ANO3: variants seen among roughly 807,000 people sequenced by gnomAD.
The protein encoded by ANO3 is anoctamin 3, also known as anoctamin-3.
ANO3 carries 99 observed loss-of-function variants against 144.8 expected under a neutral mutation model. That is an observed-to-expected ratio of 0.68 (90% CI 0.58 to 0.81). ANO3 has a LOEUF of 0.81. Ranked by LOEUF, ANO3 falls within the 30% of genes least tolerant of loss-of-function variation. ANO3 has a pLI of 0.00. For synonymous variants in ANO3, 414 were observed against 392.6 expected, an observed-to-expected ratio of 1.05 and a Z score of -0.64; for missense variants, 905 against 1,202.2, an observed-to-expected ratio of 0.75 and a Z score of 3.66.
rs1306077711 is a variant in ANO3, at chr11:26,494,932, T to G, written c.433-13172T>G. Among the ~76,000 whole-genome samples, 3 of 152,094 alleles carry G rather than the reference T, an allele frequency of 2.0e-5. 1 individual carries two copies. Among genetic ancestry groups the G allele is most frequent in the South Asian group, 4.2e-4 (2 of 4,818 alleles). ...TAGAGAAGGGTTATAATCCACTGAT[T>G]TTTTCTTGACCTGTCCTTCAACACT... is the stretch of plus-strand genomic sequence containing the variant. On this transcript the variant is annotated intron_variant, in intron 4 of 26. Coordinates refer to ENST00000256737, the MANE Select transcript of ANO3 (RefSeq NM_031418.4).
intron 1 of ANO3, among the ~76,000 whole-genome samples, chr11:26,219,624 C>T (rs1852102042): frequency 6.6e-6 from 1 of 152,106 alleles, no homozygotes; most frequent in Admixed American, 6.6e-5. Context: ...ACCAGTTACT[C>T]AAAATCCAAG....
chr11:26,282,410 T>A (rs1188137905), intron 1 of ANO3, among the ~76,000 whole-genome samples: 1 of 152,098 alleles, frequency 6.6e-6, no homozygotes, highest in African/African-American at 2.4e-5. Context: ...GAACTTCTAA[T>A]AAAATTAGAT....
chr11:26,534,876 C>G (rs1051693032), intron 9 of ANO3, among the ~76,000 whole-genome samples: 40 of 152,138 alleles, frequency 2.6e-4, no homozygotes, highest in African/African-American at 9.4e-4. Flanking sequence ...ATTTGCTCAT[C>G]ATGGGCTTGT....
At chr11:26,592,068 C>T (rs1348913549) in intron 14 of ANO3, among the ~76,000 whole-genome samples, 1 of 152,136 alleles carries the variant, frequency 6.6e-6, no homozygotes, top group African/African-American at 2.4e-5. Flanking sequence ...GTTTTAAGAA[C>T]TTGTTGACAT....
chr11:26,588,327 T>G (rs1851347208), intron 14 of ANO3, among the ~76,000 whole-genome samples: 1 of 46,210 alleles, frequency 2.2e-5, no homozygotes, highest in Admixed American at 2.0e-4. Context: ...ACTCAATTTT[T>G]CTGTATACCT....
chr11:26,589,778 C>A (rs1851391338), intron 14 of ANO3, among the ~76,000 whole-genome samples: 1 of 152,214 alleles, frequency 6.6e-6, no homozygotes, highest in South Asian at 2.1e-4. Flanking sequence ...TTTTCAAGGT[C>A]CTTCTATGCT....
chr11:26,571,141 C>T (rs1028784191), intron 14 of ANO3, among the ~76,000 whole-genome samples: 10 of 151,958 alleles, frequency 6.6e-5, no homozygotes, highest in African/African-American at 2.4e-4. Context: ...TCATAAAATT[C>T]AGTACTTAAC....
intron 20 of ANO3, among the ~76,000 whole-genome samples, chr11:26,638,615 A>C (rs372424542): frequency 1.3e-5 from 2 of 152,202 alleles, no homozygotes; most frequent in Non-Finnish European, 2.9e-5. Flanking sequence ...AGCTAATTGT[A>C]ATCTACTAAT....
intron 14 of ANO3, chr11:26,565,862 AG>A: frequency 6.3e-7 from 1 of 1,599,822 alleles, no homozygotes. Flanking sequence ...CCAACATTGT[AG>A]GCTTCTTTGG....
At position 26,547,541 on chromosome 11, in the gene ANO3, G is replaced by C. The variant is rs1348822118; in HGVS notation, c.1280G>C (p.Ser427Thr). 1 of 1,611,510 alleles carries C rather than the reference G, an allele frequency of 6.2e-7. No homozygotes were observed. The highest frequency in any genetic ancestry group is 8.5e-7 in the Non-Finnish European group (1 of 1,178,240). ...FFYGLFTMNN[S>T]QVSQEICKAT... ...TATGGATTATTTACAATGAATAATA[G>C]TCAAGTAAGGTAGGCTATTAAGAGA... Residue 427 changes from serine to threonine, a missense_variant, in exon 12 of 27, where the codon AGT becomes ACT. This residue lies in a region of ANO3 where 597 missense variants were observed against 865.1 expected (regional missense o/e 0.69). Coordinates refer to ENST00000256737, the MANE Select transcript of ANO3 (RefSeq NM_031418.4).
chr11:26,416,891 G>T (rs1048016491), intron 1 of ANO3, among the ~76,000 whole-genome samples: 1 of 152,000 alleles, frequency 6.6e-6, no homozygotes, highest in African/African-American at 2.4e-5. Flanking sequence ...AAATGTTGAA[G>T]GAAAATTATT....
chr11:26,651,179 A>G (rs1853520667), intron 24 of ANO3, among the ~76,000 whole-genome samples: 1 of 152,194 alleles, frequency 6.6e-6, no homozygotes, highest in African/African-American at 2.4e-5. Flanking sequence ...TTTCCAAATA[A>G]CCCATATTTG....
intron 4 of ANO3, among the ~76,000 whole-genome samples, chr11:26,489,784 G>A (rs534132759): frequency 7.2e-4 from 109 of 152,120 alleles, no homozygotes; most frequent in Non-Finnish European, 4.7e-4. Context: ...TAACCTTTTT[G>A]TTTTGGCCAA....
At chr11:26,441,548 T>C (rs1858523309) in intron 1 of ANO3, among the ~76,000 whole-genome samples, 1 of 152,222 alleles carries the variant, frequency 6.6e-6, no homozygotes, top group Non-Finnish European at 1.5e-5. Flanking sequence ...TCAATGGTTA[T>C]ATATTAGGTT....
intron 17 of ANO3, among the ~76,000 whole-genome samples, chr11:26,624,137 A>G (rs890406855): frequency 6.6e-6 from 1 of 152,210 alleles, no homozygotes; most frequent in African/African-American, 2.4e-5. Context: ...GATTAGCTGA[A>G]TGACTTTTAG....
intron 1 of ANO3, among the ~76,000 whole-genome samples, chr11:26,288,461 G>A (rs1013643162): frequency 5.9e-5 from 9 of 152,102 alleles, no homozygotes; most frequent in African/African-American, 2.2e-4. Context: ...CTCTTAAATT[G>A]TCAGCTTTCT....
chr11:26,344,267 T>C (rs1855441737), intron 1 of ANO3, among the ~76,000 whole-genome samples: 1 of 151,950 alleles, frequency 6.6e-6, no homozygotes, highest in South Asian at 2.1e-4. Flanking sequence ...CATCTTATAA[T>C]ACGAAACAAA....
At chr11:26,503,610 G>A (rs555619067) in intron 4 of ANO3, among the ~76,000 whole-genome samples, 2 of 151,774 alleles carry the variant, frequency 1.3e-5, no homozygotes, top group South Asian at 2.1e-4. Context: ...TGTTAAAACT[G>A]GTAAAAACTC....
At chr11:26,231,584 C>G (rs572632487) in intron 1 of ANO3, among the ~76,000 whole-genome samples, 1 of 152,128 alleles carries the variant, frequency 6.6e-6, no homozygotes, top group Non-Finnish European at 1.5e-5. Context: ...TCAAAGTAAG[C>G]TGAGAGAGTG....
Sources: allele counts gnomAD v4.1 joint callset (sites outside exome capture counted in the v4.1 genomes callset), GRCh38; gene constraint gnomAD v4.1.1; regional missense constraint gnomAD v4.1.1; transcripts MANE v1.5; gene names NCBI Gene and HGNC (gene_info 2026-07-23, HGNC 2026-07-21).